CCDC152: variants seen among roughly 807,000 people sequenced by gnomAD.
The protein encoded by CCDC152 is coiled-coil domain-containing protein 152.
Under a neutral mutation model 38.1 loss-of-function variants are expected in CCDC152, and 37 were observed. That is an observed-to-expected ratio of 0.97 (90% CI 0.75 to 1.28). The LOEUF is 1.28. Among genes scored for constraint, CCDC152 ranks in the 50% most tolerant of loss-of-function variants. The pLI, the probability that CCDC152 is intolerant of heterozygous loss-of-function variation, is 0.00. For missense variants in CCDC152, 259 were observed against 292.1 expected (o/e 0.89, Z 0.83); for synonymous variants, 83 against 87.1 (o/e 0.95, Z 0.26).
chr5:42,767,372 T>C (rs1408466246), intron 3 of CCDC152, among the ~76,000 whole-genome samples: 1 of 152,212 alleles, frequency 6.6e-6, no homozygotes, highest in Non-Finnish European at 1.5e-5. Flanking sequence ...TTGCTTTTAA[T>C]ATTTGCAACT....
At chr5:42,782,225 C>T (rs1579715945) in intron 5 of CCDC152, among the ~76,000 whole-genome samples, 1 of 152,154 alleles carries the variant, frequency 6.6e-6, no homozygotes, top group Non-Finnish European at 1.5e-5. Flanking sequence ...AGCTTGCATT[C>T]AAAGAGACTC....
chr5:42,788,088 C>T (rs1297071413), intron 6 of CCDC152, among the ~76,000 whole-genome samples: 1 of 152,012 alleles, frequency 6.6e-6, no homozygotes, highest in Non-Finnish European at 1.5e-5. Context: ...CTTTTGTTTC[C>T]ATGTTTAAAA....
At chr5:42,793,689 A>C (rs1329773117) in intron 6 of CCDC152, among the ~76,000 whole-genome samples, 1 of 152,060 alleles carries the variant, frequency 6.6e-6, no homozygotes, top group East Asian at 1.9e-4. Context: ...GCTCACTGCA[A>C]CCTCCACCTC....
At chr5:42,781,705 A>T (rs1001655553) in intron 5 of CCDC152, among the ~76,000 whole-genome samples, 5 of 152,142 alleles carry the variant, frequency 3.3e-5, no homozygotes, top group African/African-American at 4.8e-5. Context: ...ACTCCCATTC[A>T]TTCAAGAAAT....
intron 6 of CCDC152, among the ~76,000 whole-genome samples, chr5:42,789,751 G>A (rs889603002): frequency 6.6e-6 from 1 of 151,974 alleles, no homozygotes; most frequent in African/African-American, 2.4e-5. Flanking sequence ...CTATGTTGAG[G>A]GTTAATCGGT....
intron 7 of CCDC152, 46 bp from the exon 8 acceptor site, chr5:42,799,329 T>G: frequency 2.1e-6 from 2 of 963,536 alleles, no homozygotes; most frequent in South Asian, 3.1e-5. Context: ...AACAATTGTT[T>G]CTAATTGTCT....
At chr5:42,773,329 T>G (rs1398339480) in intron 4 of CCDC152, among the ~76,000 whole-genome samples, 2 of 152,194 alleles carry the variant, frequency 1.3e-5, no homozygotes, top group African/African-American at 2.4e-5. Flanking sequence ...AAATTGCAAT[T>G]CTTATTTATC....
chr5:42,770,492 A>G (rs1391724950), intron 4 of CCDC152, among the ~76,000 whole-genome samples: 1 of 141,428 alleles, frequency 7.1e-6, no homozygotes, highest in Non-Finnish European at 1.6e-5. Flanking sequence ...TCCATAATCT[A>G]CATGTCTTTT....
intron 7 of CCDC152, among the ~76,000 whole-genome samples, chr5:42,798,167 T>C (rs1760103041): frequency 6.6e-6 from 1 of 152,064 alleles, no homozygotes; most frequent in African/African-American, 2.4e-5. Flanking sequence ...ACAAACAGTC[T>C]TGAGTAGTTC....
intron 4 of CCDC152, among the ~76,000 whole-genome samples, chr5:42,777,413 G>A (rs1759782172): frequency 6.6e-6 from 1 of 150,712 alleles, no homozygotes; most frequent in African/African-American, 2.4e-5. Context: ...AGGGAGCTAA[G>A]ATCGCGCCAT....
intron 7 of CCDC152, among the ~76,000 whole-genome samples, chr5:42,798,106 G>T (rs1379228271): frequency 6.6e-6 from 1 of 152,152 alleles, no homozygotes; most frequent in Non-Finnish European, 1.5e-5. Flanking sequence ...AGCCGAGATT[G>T]TGCCACTGCA....
intron 6 of CCDC152, among the ~76,000 whole-genome samples, chr5:42,794,709 A>G (rs1013438455): frequency 1.3e-5 from 2 of 152,226 alleles, no homozygotes; most frequent in African/African-American, 2.4e-5. Flanking sequence ...GGAATTCTGG[A>G]AAACATAGTT....
chr5:42,794,658 T>C (rs1266964616), intron 6 of CCDC152, among the ~76,000 whole-genome samples: 1 of 152,176 alleles, frequency 6.6e-6, no homozygotes, highest in African/African-American at 2.4e-5. Context: ...CTTGTGGAGA[T>C]TTCTCTTACG....
chr5:42,759,347 C>A (rs1759519885), intron 2 of CCDC152, 139 bp downstream of exon 2: 1 of 545,304 alleles, frequency 1.8e-6, no homozygotes, highest in African/African-American at 1.9e-5. Context: ...GCTCTTCTCT[C>A]TCATTTTAAA....
intron 1 of CCDC152, 102 bp from the exon 2 acceptor site, chr5:42,759,018 T>C: frequency 1.3e-6 from 1 of 775,086 alleles, no homozygotes; most frequent in East Asian, 2.9e-5. Context: ...AGGTGCCCTA[T>C]GAGTTGAATA....
chr5:42,759,157 T>C lies in CCDC152; in HGVS notation c.36T>C (p.Ile12=). The change falls in exon 2 of 9, where the codon ATT becomes ATC. Residue 12 remains isoleucine (I), a synonymous_variant. Coordinates refer to ENST00000361970, the MANE Select transcript of CCDC152 (RefSeq NM_001134848.2). The part of the protein sequence containing the change: ...DQSSEGCMKK[I]SSVNLDKLIN... ...GCAGTGAAGGATGTATGAAAAAGATTAGCAGTGTGAATCTTGACAAACTTA... is the reference window on the plus strand; with the variant it reads ...GCAGTGAAGGATGTATGAAAAAGATCAGCAGTGTGAATCTTGACAAACTTA... The C allele has an allele frequency of 6.4e-7, 1 of 1,551,262 alleles. No homozygotes were observed. The highest frequency in any genetic ancestry group is 8.7e-7 in the Non-Finnish European group (1 of 1,146,554).
intron 3 of CCDC152, among the ~76,000 whole-genome samples, chr5:42,764,590 TTCATCCCTTGGATG>T (rs1759600921): frequency 6.6e-6 from 1 of 152,212 alleles, no homozygotes; most frequent in Admixed American, 6.5e-5. Context: ...CCAAGTGGGA[TTCATCCCTTGGATG>T]CAAGGATGCT....
At chr5:42,783,135 G>T (rs1759871120) in intron 5 of CCDC152, among the ~76,000 whole-genome samples, 1 of 151,968 alleles carries the variant, frequency 6.6e-6, no homozygotes, top group African/African-American at 2.4e-5. Flanking sequence ...CTCCCAAAGT[G>T]CTGGGATTAC....
chr5:42,799,388 T>C lies in CCDC152; in HGVS notation c.572T>C (p.Leu191Pro). 6.5e-7 allele frequency: 1 copy of C among 1,534,004 alleles called. No individual in the cohort carries two copies. Among genetic ancestry groups the C allele is most frequent in the Non-Finnish European group, 8.8e-7 (1 of 1,137,242 alleles). The change falls in exon 8 of 9, where the codon CTA becomes CCA. Residue 191 changes from leucine to proline, a missense_variant. Transcript: ENST00000361970. Reference sequence around the variant, plus strand: ...AATTTGATTCAGTTTGATGCCAAACTAGCAAGAGTTCAGACTAAATCAAAA... The same window carrying C: ...AATTTGATTCAGTTTGATGCCAAACCAGCAAGAGTTCAGACTAAATCAAAA... ...IKLQLEFDAK[L>P]ARVQTKSKSY...
Sources: gnomAD v4.1 joint callset for allele counts (sites outside exome capture counted in the v4.1 genomes callset) on GRCh38, gnomAD v4.1.1 for gene constraint, MANE v1.5 for transcripts, NCBI Gene and HGNC (gene_info 2026-07-23, HGNC 2026-07-21) for gene names.